CCDC144A: variants seen among roughly 807,000 people sequenced by gnomAD.
The protein encoded by CCDC144A is coiled-coil domain containing 144A.
In CCDC144A, 41 loss-of-function variants were observed where a neutral mutation model predicts 143.8. The ratio of observed to expected loss-of-function variants is 0.29; its 90% CI spans 0.22 to 0.37. The LOEUF (loss-of-function observed/expected upper bound fraction) is 0.37. CCDC144A is among the 10% of genes least tolerant of loss of function. CCDC144A has a pLI of 1.00. For synonymous variants in CCDC144A, 242 were observed against 517.9 expected (o/e 0.47, Z 7.23); for missense variants, 637 against 1,488.8 (o/e 0.43, Z 9.41).
At chr17:16,734,069 G>A (rs1356365329) in intron 11 of CCDC144A, among the ~76,000 whole-genome samples, 1 of 151,320 alleles carries the variant, frequency 6.6e-6, no homozygotes, top group African/African-American at 2.4e-5. Flanking sequence ...GAGCCCGGGA[G>A]GCCAAGGCTA....
chr17:16,715,339 AG>A (rs1300999581), intron 6 of CCDC144A, among the ~76,000 whole-genome samples: 4 of 151,178 alleles, frequency 2.6e-5, no homozygotes, highest in South Asian at 2.1e-4. Flanking sequence ...AGAAAGAAAA[AG>A]GTTTCACATG....
chr17:16,668,877 A>G, the CCDC144A span, among the ~76,000 whole-genome samples: 1 of 152,112 alleles, frequency 6.6e-6, no homozygotes, highest in African/African-American at 2.4e-5. Context: ...ATTCCATCAT[A>G]AGGACCCCAC....
intron 5 of CCDC144A, chr17:16,710,267 G>C (rs1912325728): frequency 6.2e-6 from 1 of 160,218 alleles, no homozygotes; most frequent in South Asian, 1.7e-4. Context: ...AAGTGGAGCA[G>C]GTCATAAGTA....
Position 16,709,162 on chromosome 17 carries a change from C to G in CCDC144A, c.1105C>G (p.Leu369Val). The change falls in exon 5 of 17, where the codon CTC (leucine) becomes GTC (valine). Residue 369 changes from leucine to valine, a missense_variant. Coordinates refer to ENST00000399273, the MANE Select transcript of CCDC144A (RefSeq NM_001382000.1). Reference sequence around the variant, plus strand: ...ATTTCCTGAACAAAAAGAACCCAGTCTCAAAAATATCATCCATCCATACTA... The same window carrying G: ...ATTTCCTGAACAAAAAGAACCCAGTGTCAAAAATATCATCCATCCATACTA... ...ETFPEQKEPS[L>V]KNIIHPYYHP... The G allele has an allele frequency of 6.2e-7, 1 of 1,611,672 alleles. No individual in the cohort carries two copies. The highest frequency in any genetic ancestry group is 8.5e-7 in the Non-Finnish European group (1 of 1,179,654).
intron 1 of CCDC144A, among the ~76,000 whole-genome samples, chr17:16,691,633 T>C (rs907069707): frequency 2.3e-4 from 34 of 149,656 alleles, no homozygotes; most frequent in Admixed American, 1.8e-3. Context: ...GGCGTGGTGG[T>C]GGGCGCCTGT....
chr17:16,711,141 A>AAAAAAC (rs1555531711), intron 5 of CCDC144A, among the ~76,000 whole-genome samples: 5 of 133,852 alleles, frequency 3.7e-5, no homozygotes, highest in African/African-American at 1.1e-4. Flanking sequence ...CAAATGAAAA[A>AAAAAAC]AAAAAAAAAA....
chr17:16,711,043 C>A (rs1462137262), intron 5 of CCDC144A, among the ~76,000 whole-genome samples: 2 of 145,688 alleles, frequency 1.4e-5, no homozygotes, highest in Non-Finnish European at 3.0e-5. Flanking sequence ...CAGAATTCCA[C>A]CCTAGCTCAG....
chr17:16,745,226 C>T lies in CCDC144A; in HGVS notation c.3372+9583C>T, dbSNP rs575041624. Among the ~76,000 whole-genome samples the T allele has an allele frequency of 3.8e-3, 573 of 151,600 alleles. 6 individuals are homozygous for T. The highest frequency in any genetic ancestry group is 0.013 in the African/African-American group (545 of 41,204). On this transcript the variant is annotated intron_variant, in intron 12 of 16. Transcript: ENST00000399273. ...ATGGCTCAGAGGCCACCGAGAAGCACGAGTGACTGACAGCTCCTCTGCTTA... is the reference window on the plus strand; with the variant it reads ...ATGGCTCAGAGGCCACCGAGAAGCATGAGTGACTGACAGCTCCTCTGCTTA...
Position 16,774,675 on chromosome 17 carries a change from A to AATT in CCDC144A, c.*1052_*1054dup, listed in dbSNP as rs1915944053. On this transcript the variant is annotated 3_prime_UTR_variant, in exon 17 of 17. Coordinates refer to ENST00000399273, the MANE Select transcript of CCDC144A (RefSeq NM_001382000.1). ...CACTGCATTCTATCAGGTGACCTGCAATTATTATTATTTTTTATTTTCATC... is the reference window on the plus strand; with the variant it reads ...CACTGCATTCTATCAGGTGACCTGCAATTATTATTATTATTTTTTATTTTCATC... 7.2e-6 allele frequency: 1 copy of AATT among 138,586 alleles called. No homozygotes were observed. Among genetic ancestry groups the AATT allele is most frequent in the African/African-American group, 3.0e-5 (1 of 33,344 alleles). 8.6% of individuals were successfully genotyped at this position (138,586 alleles called of 1,614,324 possible). A position where few individuals can be genotyped will look rare whatever the true frequency, so the allele number is the denominator to read the frequency against.
At chr17:16,684,010 G>A in the CCDC144A span, 16 of 953,820 alleles carry the variant, frequency 1.7e-5, no homozygotes, top group Admixed American at 2.0e-4. Context: ...ACCAAAGAGC[G>A]GAAATTCATG....
chr17:16,754,770 T>C (rs1914995486), intron 12 of CCDC144A, among the ~76,000 whole-genome samples: 1 of 152,252 alleles, frequency 6.6e-6, no homozygotes, highest in African/African-American at 2.4e-5. Context: ...TTCATTTCGA[T>C]GTTTCTTTGT....
At chr17:16,746,325 A>G (rs1165060898) in intron 12 of CCDC144A, 5 of 1,112,650 alleles carry the variant, frequency 4.5e-6, no homozygotes, top group East Asian at 5.4e-5. Context: ...TCTTCCCGCA[A>G]ACGTTTATTT....
intron 6 of CCDC144A, among the ~76,000 whole-genome samples, chr17:16,715,434 A>C (rs1350981084): frequency 6.6e-6 from 1 of 152,100 alleles, no homozygotes. Flanking sequence ...TCTTTGTATT[A>C]ATAGTTTTCC....
At chr17:16,721,259 A>C (rs1357181283) in intron 8 of CCDC144A, among the ~76,000 whole-genome samples, 1 of 152,040 alleles carries the variant, frequency 6.6e-6, no homozygotes, top group Non-Finnish European at 1.5e-5. Flanking sequence ...TGCACATTTG[A>C]AACCACCATA....
intron 12 of CCDC144A, among the ~76,000 whole-genome samples, chr17:16,753,366 C>T (rs1242953883): frequency 6.6e-6 from 1 of 150,970 alleles, no homozygotes; most frequent in Non-Finnish European, 1.5e-5. Flanking sequence ...TCTTCCAGTC[C>T]ATGAGCATGC....
In CCDC144A at chr17:16,714,763, A is replaced by T. The variant is rs553497814; in HGVS notation, c.1715+2948A>T. Among the ~76,000 whole-genome samples the T allele has an allele frequency of 5.3e-5, 8 of 152,080 alleles. No homozygotes were observed. The East Asian group carries it at 1.4e-3, about 26-fold the overall frequency. Reference sequence around the variant, plus strand: ...TCTGATTGCCTCCCATTTCACTCTGAGTATGTGTCAGGGTTCCTCCTCATA... The same window carrying T: ...TCTGATTGCCTCCCATTTCACTCTGTGTATGTGTCAGGGTTCCTCCTCATA... On this transcript the variant is annotated intron_variant, in intron 6 of 16. Coordinates refer to ENST00000399273, the MANE Select transcript of CCDC144A (RefSeq NM_001382000.1).
At chr17:16,742,619 T>C (rs1018695529) in intron 12 of CCDC144A, among the ~76,000 whole-genome samples, 1 of 152,190 alleles carries the variant, frequency 6.6e-6, no homozygotes, top group African/African-American at 2.4e-5. Flanking sequence ...TATTTTTAGC[T>C]TTTTAAGAAA....
At chr17:16,711,064 C>G (rs1386167431) in intron 5 of CCDC144A, among the ~76,000 whole-genome samples, 2 of 132,042 alleles carry the variant, frequency 1.5e-5, no homozygotes, top group African/African-American at 6.0e-5. Flanking sequence ...CAGTTTCACT[C>G]TGCTTTTTGT....
intron 9 of CCDC144A, among the ~76,000 whole-genome samples, chr17:16,728,964 C>G (rs1378402964): frequency 2.0e-5 from 3 of 152,028 alleles, no homozygotes; most frequent in Admixed American, 2.0e-4. Flanking sequence ...ATATATATAC[C>G]ACATATTATT....
Sources: allele counts gnomAD v4.1 joint callset (sites outside exome capture counted in the v4.1 genomes callset), GRCh38; gene constraint gnomAD v4.1.1; transcripts MANE v1.5; gene names NCBI Gene and HGNC (gene_info 2026-07-23, HGNC 2026-07-21).